Variants in PTK2 observed in about 807,000 individuals in gnomAD.
PTK2 encodes protein tyrosine kinase 2.
PTK2 carries 45 observed loss-of-function variants against 150.1 expected under a neutral mutation model. That is an observed-to-expected ratio of 0.30 (90% CI 0.24 to 0.38). The LOEUF is 0.38. Ranked by LOEUF, PTK2 falls within the 10% of genes least tolerant of loss-of-function variation. PTK2 has a pLI of 1.00. For synonymous variants in PTK2, 432 were observed against 449.2 expected (o/e 0.96, Z 0.48); for missense variants, 919 against 1,307.3 (o/e 0.70, Z 4.58).
chr8:140,745,990 A>C (rs1406053049), intron 18 of PTK2, among the ~76,000 whole-genome samples: 6 of 148,500 alleles, frequency 4.0e-5, no homozygotes, highest in Non-Finnish European at 8.9e-5. Context: ...ACAGAGCGAG[A>C]CTCTGTCTCA....
intron 2 of PTK2, among the ~76,000 whole-genome samples, chr8:140,909,996 TA>T (rs1018315798): frequency 1.3e-5 from 2 of 151,916 alleles, no homozygotes; most frequent in Non-Finnish European, 2.9e-5. Flanking sequence ...CTTGTCCTAT[TA>T]AAAAAAATAT....
At chr8:140,829,446 T>C (rs1267533664) in intron 8 of PTK2, among the ~76,000 whole-genome samples, 4 of 152,228 alleles carry the variant, frequency 2.6e-5, no homozygotes, top group African/African-American at 4.8e-5. Context: ...ATAATCAACA[T>C]GACGTCGACA....
chr8:140,720,398 T>C (rs1032605039), intron 22 of PTK2, among the ~76,000 whole-genome samples: 2 of 151,746 alleles, frequency 1.3e-5, no homozygotes, highest in Non-Finnish European at 2.9e-5. Context: ...GCTGAGTAAA[T>C]TCAGGGATCA....
chr8:140,985,895 A>G (rs997648644), intron 1 of PTK2, among the ~76,000 whole-genome samples: 5 of 151,336 alleles, frequency 3.3e-5, no homozygotes, highest in East Asian at 3.9e-4. Context: ...AATCAGTCTA[A>G]GAATCTACAC....
rs2100147569 is a variant in PTK2 at position 140,879,339 on chromosome 8, A to T, written c.362+132T>A. ...GATCATTCGTTAATAATTACTAACGAATTTTATTTATACCAGAGTTGTAAT... is the reference window on the plus strand; with the variant it reads ...GATCATTCGTTAATAATTACTAACGTATTTTATTTATACCAGAGTTGTAAT... On this transcript the variant is annotated intron_variant, in intron 4 of 31. Coordinates refer to ENST00000522684, the Ensembl canonical transcript of PTK2. The T allele has an allele frequency of 8.2e-6, 8 of 970,312 alleles. No homozygotes were observed. The South Asian group carries it at 1.7e-4, about 21-fold the overall frequency. 60.1% of individuals were successfully genotyped at this position (970,312 alleles called of 1,614,324 possible).
intron 11 of PTK2, among the ~76,000 whole-genome samples, chr8:140,801,226 T>C (rs1302051746): frequency 3.3e-5 from 5 of 152,182 alleles, no homozygotes; most frequent in African/African-American, 1.2e-4. Context: ...CCCAGAGAAC[T>C]GGCCGTTAAC....
chr8:140,820,582 CTT>C (rs200536728), intron 8 of PTK2: 81,845 of 142,996 alleles, frequency 0.57, 24,255 homozygotes, highest in African/African-American at 0.75. Context: ...CTTTCTTCTT[CTT>C]TTTTTTTTTT....
At chr8:140,863,976 A>G (rs2100137806) in intron 5 of PTK2, among the ~76,000 whole-genome samples, 1 of 152,198 alleles carries the variant, frequency 6.6e-6, no homozygotes, top group Admixed American at 6.5e-5. Flanking sequence ...TCAATTTTAT[A>G]TGGGTATAGT....
At chr8:140,972,249 T>C (rs1018758866) in intron 1 of PTK2, among the ~76,000 whole-genome samples, 12 of 152,198 alleles carry the variant, frequency 7.9e-5, no homozygotes, top group African/African-American at 2.9e-4. Flanking sequence ...ATTGTTTTTA[T>C]TATTTTAATT....
intron 26 of PTK2, among the ~76,000 whole-genome samples, chr8:140,697,997 C>G (rs368977623): frequency 2.7e-5 from 4 of 150,870 alleles, no homozygotes; most frequent in East Asian, 2.0e-4. Flanking sequence ...TGGAATATAG[C>G]CTTTTGACTC....
chr8:140,788,440 T>C (rs775249336), intron 14 of PTK2, among the ~76,000 whole-genome samples: 1 of 152,046 alleles, frequency 6.6e-6, no homozygotes, highest in African/African-American at 2.4e-5. Context: ...TCCTGGCACT[T>C]TGGGAGGCCG....
At chr8:140,904,297 G>C (rs1448875434) in intron 2 of PTK2, among the ~76,000 whole-genome samples, 1 of 152,122 alleles carries the variant, frequency 6.6e-6, no homozygotes, top group Non-Finnish European at 1.5e-5. Context: ...GATGGATTAT[G>C]TTTATTGATT....
upstream of PTK2, chr8:141,001,427 C>T (rs2100200228): frequency 6.7e-6 from 1 of 150,226 alleles, no homozygotes; most frequent in Non-Finnish European, 1.5e-5. Context: ...CGCGCATGCC[C>T]AGCGCGCCGC....
chr8:140,954,522 C>T (rs1310421895), intron 1 of PTK2, among the ~76,000 whole-genome samples: 1 of 152,098 alleles, frequency 6.6e-6, no homozygotes, highest in Non-Finnish European at 1.5e-5. Flanking sequence ...ATTCTAAGCA[C>T]GTTATTAACC....
chr8:140,987,485 A>C (rs2100193732), intron 1 of PTK2, among the ~76,000 whole-genome samples: 1 of 152,204 alleles, frequency 6.6e-6, no homozygotes, highest in South Asian at 2.1e-4. Flanking sequence ...CCAGCTAACA[A>C]CTTTAAAATG....
chr8:140,828,592 T>C (rs749642675), intron 8 of PTK2, among the ~76,000 whole-genome samples: 3 of 152,224 alleles, frequency 2.0e-5, no homozygotes, highest in Non-Finnish European at 4.4e-5. Flanking sequence ...ATACTACTAA[T>C]GTGACATAAC....
At chr8:140,789,517 G>C (rs766394705) in exon 14 of PTK2, 1 of 1,613,270 alleles carries the variant, frequency 6.2e-7, no homozygotes, top group Non-Finnish European at 8.5e-7. Flanking sequence ...GCTTTTCGCT[G>C]TTGGCCAACC....
At chr8:140,766,141 T>G (rs2100072139) in intron 14 of PTK2, among the ~76,000 whole-genome samples, 1 of 152,190 alleles carries the variant, frequency 6.6e-6, no homozygotes, top group Admixed American at 6.5e-5. Context: ...TTATCCAAAC[T>G]GCTGAAAAGT....
chr8:140,853,365 A>T (rs1471192603), intron 5 of PTK2, among the ~76,000 whole-genome samples: 4 of 94,408 alleles, frequency 4.2e-5, no homozygotes, highest in African/African-American at 1.7e-4. Flanking sequence ...GACAGGCCCC[A>T]GTGTGTGATG....
Sources: allele counts gnomAD v4.1 joint callset (sites outside exome capture counted in the v4.1 genomes callset), GRCh38; gene constraint gnomAD v4.1.1; transcripts MANE v1.5; gene names NCBI Gene and HGNC (gene_info 2026-07-23, HGNC 2026-07-21).